The following CIP2A variants were observed in gnomAD, a reference collection of about 807,000 sequenced individuals.
The protein encoded by CIP2A is protein CIP2A.
Under a neutral mutation model 110.9 loss-of-function variants are expected in CIP2A, and 103 were observed. The ratio of observed to expected loss-of-function variants is 0.93; its 90% CI spans 0.79 to 1.09. The LOEUF is 1.09. CIP2A is among the 50% of genes least tolerant of loss of function. The pLI is 0.00. For synonymous variants in CIP2A, 381 were observed against 361.6 expected (o/e 1.05, Z -0.61); for missense variants, 1,088 against 1,038.4 (o/e 1.05, Z -0.66).
chr3:108,573,519 T>C (rs1231262327), intron 8 of CIP2A, among the ~76,000 whole-genome samples: 1 of 152,022 alleles, frequency 6.6e-6, no homozygotes, highest in Non-Finnish European at 1.5e-5. Flanking sequence ...TCTACTCCCC[T>C]GTGCTACCTG....
intron 1 of CIP2A, 124 bp downstream of exon 1, chr3:108,589,150 G>A (rs1939214543): frequency 1.4e-6 from 1 of 690,182 alleles, no homozygotes; most frequent in African/African-American, 1.8e-5. Context: ...AGTACGAAAA[G>A]ACAACAGAGG....
chr3:108,586,442 T>C (rs1939041188), intron 1 of CIP2A, among the ~76,000 whole-genome samples: 1 of 152,190 alleles, frequency 6.6e-6, no homozygotes, highest in African/African-American at 2.4e-5. Flanking sequence ...CTGTATCTCA[T>C]TAACATAAAT....
At chr3:108,553,989 G>A (rs760932389) in intron 18 of CIP2A, among the ~76,000 whole-genome samples, 6 of 149,572 alleles carry the variant, frequency 4.0e-5, no homozygotes, top group African/African-American at 7.4e-5. Flanking sequence ...TCTGCCTCCC[G>A]GGCTCAAGTG....
At chr3:108,552,173 C>A in intron 20 of CIP2A, 61 bp downstream of exon 20, 1 of 1,362,444 alleles carries the variant, frequency 7.3e-7, no homozygotes. Context: ...TATCCATATT[C>A]ACCCTTTTCA....
At chr3:108,552,875 G>A (rs1445630513) in intron 19 of CIP2A, among the ~76,000 whole-genome samples, 1 of 152,054 alleles carries the variant, frequency 6.6e-6, no homozygotes, top group Non-Finnish European at 1.5e-5. Context: ...TAAACATTGA[G>A]TACACACAGA....
chr3:108,570,093 T>A (rs569488889), intron 8 of CIP2A, among the ~76,000 whole-genome samples: 45 of 152,210 alleles, frequency 3.0e-4, no homozygotes, highest in Admixed American at 2.7e-3. Context: ...CCCTTAGCTC[T>A]CCTACTGTAC....
chr3:108,573,417 T>A (rs1436007065), intron 8 of CIP2A, among the ~76,000 whole-genome samples: 1 of 152,034 alleles, frequency 6.6e-6, no homozygotes, highest in Non-Finnish European at 1.5e-5. Flanking sequence ...GCGAATTATT[T>A]TTTACTTTAA....
At position 108,565,486 on chromosome 3, in the gene CIP2A, A is replaced by G. The variant is rs138715003; in HGVS notation, c.1416-32T>C. On this transcript the variant is annotated intron_variant, in intron 11 of 20. Coordinates refer to ENST00000295746, the MANE Select transcript of CIP2A (RefSeq NM_020890.3). ...AGATAAATCACATTTAAATTAGATA[A>G]CTGAAAAATTTCTTAGAGCTTGTTT... 7.0e-5 allele frequency: 86 copies of G among 1,231,976 alleles called. 1 individual carries two copies. In the East Asian group the frequency reaches 2.0e-3, roughly 29 times the overall value. The allele number at this position is 1,231,976 out of a possible 1,614,324, so 76.3% of individuals were successfully genotyped here.
At chr3:108,561,760 T>A (rs1339579870) in intron 13 of CIP2A, among the ~76,000 whole-genome samples, 1 of 152,100 alleles carries the variant, frequency 6.6e-6, no homozygotes, top group East Asian at 1.9e-4. Flanking sequence ...CAAGATAATG[T>A]CAAATAAGGG....
Position 108,582,201 on chromosome 3 carries a change from C to T in CIP2A, c.359G>A (p.Cys120Tyr). ...SSHTDSVFLQCIQLLQKLTYN... is the reference protein window; with the variant it reads ...SSHTDSVFLQYIQLLQKLTYN... ...TGTTAACTTCTGTAGAAGTTGAATG[C>T]ACTGAGAATAAGAAAATAGTTATAA... Residue 120 changes from cysteine to tyrosine, a missense_variant and splice_region_variant, in exon 4 of 21, where the codon TGC (cysteine) becomes TAC (tyrosine). Coordinates refer to ENST00000295746, the MANE Select transcript of CIP2A (RefSeq NM_020890.3). 1.6e-6 allele frequency: 2 copies of T among 1,283,352 alleles called. No homozygotes were observed. Among genetic ancestry groups the T allele is most frequent in the South Asian group, 1.4e-5 (1 of 69,400 alleles). The allele number at this position is 1,283,352 out of a possible 1,614,324, so 79.5% of individuals were successfully genotyped here.
intron 8 of CIP2A, among the ~76,000 whole-genome samples, chr3:108,575,313 C>T (rs946523025): frequency 6.8e-6 from 1 of 146,094 alleles, no homozygotes; most frequent in African/African-American, 2.7e-5. Context: ...CGTACACACA[C>T]GTGCATGTAC....
chr3:108,554,558 AG>A, intron 17 of CIP2A, 69 bp from the exon 18 acceptor site: 1 of 682,944 alleles, frequency 1.5e-6, no homozygotes, highest in Non-Finnish European at 2.5e-6. Flanking sequence ...AGAAGCTCAC[AG>A]TGTTTTCTTT....
intron 19 of CIP2A, 53 bp from the exon 20 acceptor site, chr3:108,552,426 T>A: frequency 1.7e-6 from 2 of 1,159,080 alleles, no homozygotes; most frequent in Non-Finnish European, 2.4e-6. Context: ...CACTGACTAC[T>A]CTGAAATGGT....
intron 12 of CIP2A, among the ~76,000 whole-genome samples, chr3:108,563,740 C>T (rs1417143809): frequency 6.6e-6 from 1 of 151,768 alleles, no homozygotes; most frequent in Non-Finnish European, 1.5e-5. Flanking sequence ...TATTGTAAGC[C>T]CCAAGTCATC....
intron 2 of CIP2A, among the ~76,000 whole-genome samples, chr3:108,584,563 C>A (rs982133717): frequency 6.6e-6 from 1 of 152,026 alleles, no homozygotes; most frequent in African/African-American, 2.4e-5. Context: ...AGTCTATTAC[C>A]CACACTTCGA....
At chr3:108,581,313 T>A (rs1938868847) in intron 5 of CIP2A, 102 bp downstream of exon 5, 1 of 797,426 alleles carries the variant, frequency 1.3e-6, no homozygotes, top group Admixed American at 2.6e-5. Context: ...AGACACAGAA[T>A]CCTTGTTCAA....
chr3:108,551,674 T>C (rs1311384159), intron 20 of CIP2A, among the ~76,000 whole-genome samples: 3 of 152,128 alleles, frequency 2.0e-5, no homozygotes, highest in Non-Finnish European at 4.4e-5. Flanking sequence ...ATGCCTCTTC[T>C]GTTACTCAGT....
Position 108,563,174 on chromosome 3 carries a change from A to C in CIP2A, c.1586T>G (p.Leu529Arg), listed in dbSNP as rs770933570. The C allele has an allele frequency of 6.2e-7, 1 of 1,612,942 alleles. No homozygotes were observed. The highest frequency in any genetic ancestry group is 2.2e-5 in the East Asian group (1 of 44,832). ...TGGAGCAGCCTCCAATAATATTCTCAGTCCAGACTGTACTTGTTCTCTATT... is the reference window on the plus strand; with the variant it reads ...TGGAGCAGCCTCCAATAATATTCTCCGTCCAGACTGTACTTGTTCTCTATT... ...SDNREQVQSG[L>R]RILLEAAPLP... The change falls in exon 13 of 21, where the codon CTG (leucine) becomes CGG (arginine). Residue 529 changes from leucine (L) to arginine (R), a missense_variant. Transcript: ENST00000295746.
chr3:108,569,351 C>T (rs1938305026), intron 9 of CIP2A, 38 bp downstream of exon 9: 1 of 1,481,046 alleles, frequency 6.8e-7, no homozygotes, highest in South Asian at 1.1e-5. Flanking sequence ...CTGAGAGTCA[C>T]AAAAGTAGAA....
Sources: gnomAD v4.1 joint callset for allele counts (sites outside exome capture counted in the v4.1 genomes callset) on GRCh38, gnomAD v4.1.1 for gene constraint, MANE v1.5 for transcripts, NCBI Gene and HGNC (gene_info 2026-07-23, HGNC 2026-07-21) for gene names.